The following MLF1 variants were observed in gnomAD, a reference collection of about 807,000 sequenced individuals.
MLF1 encodes myelodysplasia-myeloid leukemia factor 1.
MLF1 carries 37 observed loss-of-function variants against 38.3 expected under a neutral mutation model. The observed-to-expected ratio is 0.96, with a 90% CI of 0.74 to 1.27. The LOEUF (loss-of-function observed/expected upper bound fraction) is 1.27. Among genes scored for constraint, MLF1 ranks in the 50% most tolerant of loss-of-function variants. The pLI, the probability that MLF1 is intolerant of heterozygous loss-of-function variation, is 0.00. For synonymous variants in MLF1, 95 were observed against 106.5 expected (o/e 0.89, Z 0.66); for missense variants, 331 against 349.2 (o/e 0.95, Z 0.42).
chr3:158,580,322 A>G (rs1052975618), intron 1 of MLF1, among the ~76,000 whole-genome samples: 2 of 151,082 alleles, frequency 1.3e-5, no homozygotes, highest in Non-Finnish European at 3.0e-5. Context: ...TGTGAGGTGG[A>G]AAAAAAAAGT....
chr3:158,579,388 A>T (rs75208624), intron 1 of MLF1, among the ~76,000 whole-genome samples: 368 of 152,310 alleles, frequency 2.4e-3, no homozygotes, highest in African/African-American at 8.6e-3. Flanking sequence ...AATTAAACTC[A>T]CTAGAAGTTT....
intron 1 of MLF1, among the ~76,000 whole-genome samples, chr3:158,591,637 G>T (rs1718168027): frequency 6.6e-6 from 1 of 152,034 alleles, no homozygotes; most frequent in Non-Finnish European, 1.5e-5. Flanking sequence ...TTGGTAAAGT[G>T]AGCTCCAATC....
chr3:158,589,642 T>C (rs557507953), intron 1 of MLF1, among the ~76,000 whole-genome samples: 1 of 152,304 alleles, frequency 6.6e-6, no homozygotes, highest in South Asian at 2.1e-4. Flanking sequence ...TATTTTAAAA[T>C]TAAAATTAAA....
intron 1 of MLF1, chr3:158,582,890 T>C (rs1185096665): frequency 1.4e-6 from 1 of 690,914 alleles, no homozygotes. Context: ...GAAACTCTGA[T>C]GTACATTAAA....
At chr3:158,584,430 A>G (rs1383462714) in intron 1 of MLF1, among the ~76,000 whole-genome samples, 2 of 152,232 alleles carry the variant, frequency 1.3e-5, no homozygotes, top group Non-Finnish European at 2.9e-5. Context: ...ATCAAAATCC[A>G]GACCCTATAC....
At chr3:158,593,700 T>A (rs1003126877) in intron 3 of MLF1, among the ~76,000 whole-genome samples, 1 of 152,232 alleles carries the variant, frequency 6.6e-6, no homozygotes, top group African/African-American at 2.4e-5. Flanking sequence ...ACAAAAGGGA[T>A]CCTCATAGTT....
At chr3:158,582,875 A>G (rs1220064688) in intron 1 of MLF1, 1 of 692,430 alleles carries the variant, frequency 1.4e-6, no homozygotes, top group Admixed American at 2.1e-5. Flanking sequence ...AAATCATACA[A>G]GTCAGAAACT....
chr3:158,600,878 T>C (rs954815828), intron 6 of MLF1, among the ~76,000 whole-genome samples: 16 of 151,802 alleles, frequency 1.1e-4, no homozygotes, highest in African/African-American at 3.9e-4. Context: ...GTATTTATTC[T>C]TCAATGCATT....
At chr3:158,594,545 A>G (rs1213893302) in intron 3 of MLF1, among the ~76,000 whole-genome samples, 1 of 152,210 alleles carries the variant, frequency 6.6e-6, no homozygotes, top group Non-Finnish European at 1.5e-5. Flanking sequence ...ATAGAGTCAT[A>G]TTCTTGAAAT....
intron 1 of MLF1, among the ~76,000 whole-genome samples, chr3:158,575,712 G>C: frequency 6.6e-6 from 1 of 152,128 alleles, no homozygotes; most frequent in East Asian, 1.9e-4. Flanking sequence ...TTAATGGTGA[G>C]TTGGTGTCCT....
intron 1 of MLF1, among the ~76,000 whole-genome samples, chr3:158,592,067 T>C (rs1718234978): frequency 6.6e-6 from 1 of 152,196 alleles, no homozygotes. Flanking sequence ...CAACATCATC[T>C]AACATAAAGC....
intron 1 of MLF1, 55 bp from the exon 2 acceptor site, chr3:158,592,379 C>A: frequency 6.8e-7 from 1 of 1,478,476 alleles, no homozygotes; most frequent in Non-Finnish European, 9.1e-7. Context: ...TACCTGCCTA[C>A]TTACTATTTA....
intron 1 of MLF1, among the ~76,000 whole-genome samples, chr3:158,574,523 A>AAAAAAAAC (rs1553830589): frequency 3.1e-4 from 36 of 115,742 alleles, no homozygotes; most frequent in African/African-American, 1.1e-3. Flanking sequence ...AAAAAAAAAA[A>AAAAAAAAC]AAAATACAAA....
Position 158,605,160 on chromosome 3 carries a change from ACT to A in MLF1, c.812_813del (p.Leu271ProfsTer29), listed in dbSNP as rs761959660. ...GGAGATCAAATGTTTTGGGGGACAAACTCCACATCAAAGGCTCATCTGTGAAA... is the reference window on the plus strand; with the variant it reads ...GGAGATCAAATGTTTTGGGGGACAAACCACATCAAAGGCTCATCTGTGAAA... ...GRRSNVLGDKLHIKGSSVKSN... is the reference protein window; with the variant it reads ...GRRSNVLGDKXHIKGSSVKSN... On this transcript the variant is annotated frameshift_variant, in exon 8 of 8. Coordinates refer to ENST00000466246, the MANE Select transcript of MLF1 (RefSeq NM_001369783.1). LOFTEE classifies it high-confidence loss of function. 1.9e-6 allele frequency: 3 copies of A among 1,613,786 alleles called. No homozygotes were observed. The East Asian group carries it at 6.7e-5, about 36-fold the overall frequency.
intron 7 of MLF1, among the ~76,000 whole-genome samples, chr3:158,603,653 C>T (rs2108661245): frequency 1.3e-5 from 2 of 152,170 alleles, no homozygotes; most frequent in South Asian, 4.2e-4. Context: ...GCCTGGCCAA[C>T]ATGGTGAAAC....
intron 1 of MLF1, among the ~76,000 whole-genome samples, chr3:158,587,193 C>T (rs1016851629): frequency 1.3e-5 from 2 of 152,090 alleles, no homozygotes; most frequent in Non-Finnish European, 2.9e-5. Flanking sequence ...TAATAAGTAC[C>T]TCTAGTGATT....
intron 6 of MLF1, among the ~76,000 whole-genome samples, chr3:158,602,106 A>G (rs1360496629): frequency 1.3e-5 from 2 of 152,042 alleles, no homozygotes; most frequent in East Asian, 3.9e-4. Context: ...GTGAGCCACC[A>G]CACCTGGCTG....
intron 1 of MLF1, among the ~76,000 whole-genome samples, chr3:158,582,351 A>G (rs562327178): frequency 2.6e-5 from 4 of 152,278 alleles, no homozygotes; most frequent in African/African-American, 9.6e-5. Context: ...AACTGTGGCA[A>G]GAACTGTAGG....
Position 158,595,576 on chromosome 3 carries a change from T to C in MLF1, c.241-1286T>C, listed in dbSNP as rs78227278. 1.6e-3 allele frequency among the ~76,000 whole-genome samples: 245 copies of C among 152,296 alleles called. 4 individuals are homozygous for C. In the East Asian group the frequency reaches 0.033, roughly 20 times the overall value. On this transcript the variant is annotated intron_variant, in intron 3 of 7. Coordinates refer to ENST00000466246, the MANE Select transcript of MLF1 (RefSeq NM_001369783.1). Reference sequence around the variant, plus strand: ...TCTCAATCTAGTGTTAAAGCAAATATTCAGAATATTCCCTGAATTGTGTTT... The same window carrying C: ...TCTCAATCTAGTGTTAAAGCAAATACTCAGAATATTCCCTGAATTGTGTTT...
Sources: gnomAD v4.1 joint callset for allele counts (sites outside exome capture counted in the v4.1 genomes callset) on GRCh38, gnomAD v4.1.1 for gene constraint, MANE v1.5 for transcripts, NCBI Gene and HGNC (gene_info 2026-07-23, HGNC 2026-07-21) for gene names.